Variants in TSEN15 observed in about 807,000 individuals in gnomAD.
TSEN15 encodes tRNA-splicing endonuclease subunit Sen15.
In TSEN15, 10 loss-of-function variants were observed where a neutral mutation model predicts 20.5. The ratio of observed to expected loss-of-function variants is 0.49; its 90% CI spans 0.30 to 0.83. The LOEUF (loss-of-function observed/expected upper bound fraction) is 0.83. Ranked by LOEUF, TSEN15 falls within the 40% of genes least tolerant of loss-of-function variation. The pLI, the probability that TSEN15 is intolerant of heterozygous loss-of-function variation, is 0.06. For synonymous variants in TSEN15, 72 were observed against 80.1 expected, an observed-to-expected ratio of 0.90 and a Z score of 0.54; for missense variants, 180 against 218.6, an observed-to-expected ratio of 0.82 and a Z score of 1.11.
At chr1:184,054,309 A>C in intron 1 of TSEN15, 45 bp from the exon 2 acceptor site, 1 of 1,222,446 alleles carries the variant, frequency 8.2e-7, no homozygotes, top group African/African-American at 1.5e-5. Flanking sequence ...GAAAATATTA[A>C]ATAATTTTTT....
At chr1:184,070,565 C>A in intron 3 of TSEN15, 1 of 863,814 alleles carries the variant, frequency 1.2e-6, no homozygotes. Flanking sequence ...AAAATTAATT[C>A]AAGATGGACA....
intron 3 of TSEN15, among the ~76,000 whole-genome samples, chr1:184,061,570 T>C (rs951563392): frequency 6.6e-6 from 1 of 152,210 alleles, no homozygotes; most frequent in South Asian, 2.1e-4. Context: ...AACTTAGTTA[T>C]AAAGTATTTC....
chr1:184,078,277 G>A (rs1353293267), downstream of TSEN15, among the ~76,000 whole-genome samples: 1 of 152,104 alleles, frequency 6.6e-6, no homozygotes, highest in Non-Finnish European at 1.5e-5. Flanking sequence ...AAATTAAGGT[G>A]TGTGCATTGT....
At chr1:184,069,828 A>G (rs1337134947) in intron 3 of TSEN15, among the ~76,000 whole-genome samples, 1 of 152,092 alleles carries the variant, frequency 6.6e-6, no homozygotes, top group Admixed American at 6.6e-5. Flanking sequence ...GAGATCCTGA[A>G]CAAGAAACTG....
intron 1 of TSEN15, among the ~76,000 whole-genome samples, 193 bp from the exon 2 acceptor site, chr1:184,054,160 CA>C (rs1650155903): frequency 6.6e-6 from 1 of 152,178 alleles, no homozygotes; most frequent in Non-Finnish European, 1.5e-5. Flanking sequence ...ATTTGCCTAA[CA>C]ATTTTAAGTG....
intron 3 of TSEN15, among the ~76,000 whole-genome samples, chr1:184,084,202 A>G (rs1487835385): frequency 6.6e-6 from 1 of 151,976 alleles, no homozygotes; most frequent in Non-Finnish European, 1.5e-5. Flanking sequence ...ACAATAATCT[A>G]TCAATGATCC....
intron 3 of TSEN15, among the ~76,000 whole-genome samples, chr1:184,055,666 TAAAAAAGAGAC>T (rs781607126): frequency 7.2e-5 from 11 of 152,202 alleles, no homozygotes; most frequent in Non-Finnish European, 1.3e-4. Context: ...TTAAAAGCTT[TAAAAAAGAGAC>T]TTTTTTTAGG....
intron 3 of TSEN15, among the ~76,000 whole-genome samples, chr1:184,082,242 A>T (rs758010320): frequency 4.6e-5 from 7 of 152,114 alleles, no homozygotes; most frequent in Non-Finnish European, 8.8e-5. Flanking sequence ...GTAGTGGCTG[A>T]ATTGGGCATC....
intron 3 of TSEN15, among the ~76,000 whole-genome samples, chr1:184,061,965 G>A (rs184982412): frequency 5.3e-5 from 8 of 152,290 alleles, no homozygotes; most frequent in South Asian, 2.1e-4. Flanking sequence ...TATATGATAT[G>A]TGATCACAGT....
chr1:184,072,133 A>C (rs200716378), intron 3 of TSEN15, 24 bp from the exon 4 acceptor site: 550 of 1,610,776 alleles, frequency 3.4e-4, no homozygotes, highest in Non-Finnish European at 4.3e-4. Flanking sequence ...GCAACTCCTA[A>C]GTATATTGTG....
intron 3 of TSEN15, among the ~76,000 whole-genome samples, chr1:184,055,466 G>T (rs1436315271): frequency 1.3e-5 from 2 of 152,036 alleles, no homozygotes; most frequent in Non-Finnish European, 2.9e-5. Context: ...CTTACTCTAT[G>T]GTCAGTACTT....
intron 3 of TSEN15, among the ~76,000 whole-genome samples, chr1:184,067,220 A>G (rs368050794): frequency 2.6e-4 from 39 of 152,322 alleles, no homozygotes; most frequent in African/African-American, 8.7e-4. Context: ...AATTACATCC[A>G]GAATCTGTCC....
At chr1:184,091,163 C>T (rs1651349461) in intron 3 of TSEN15, among the ~76,000 whole-genome samples, 1 of 152,034 alleles carries the variant, frequency 6.6e-6, no homozygotes, top group South Asian at 2.1e-4. Flanking sequence ...CCTTCCTACC[C>T]TCCAGTCTCA....
chr1:184,071,648 A>G (rs148416192), intron 3 of TSEN15, among the ~76,000 whole-genome samples: 1 of 152,108 alleles, frequency 6.6e-6, no homozygotes, highest in African/African-American at 2.4e-5. Flanking sequence ...AAAAAAAAAT[A>G]CATTAATTAA....
At chr1:184,060,306 AG>A (rs1232847758) in intron 3 of TSEN15, among the ~76,000 whole-genome samples, 2 of 152,246 alleles carry the variant, frequency 1.3e-5, no homozygotes, top group African/African-American at 4.8e-5. Context: ...CGACATGCAA[AG>A]GAAAATGTCT....
chr1:184,077,566 A>G (rs1651087604), downstream of TSEN15, among the ~76,000 whole-genome samples: 2 of 152,158 alleles, frequency 1.3e-5, no homozygotes, highest in Non-Finnish European at 2.9e-5. Flanking sequence ...TGCCATAGAT[A>G]GTTACTCCTG....
intron 3 of TSEN15, among the ~76,000 whole-genome samples, chr1:184,084,100 ATC>A (rs1244225410): frequency 1.3e-5 from 2 of 152,118 alleles, no homozygotes; most frequent in Non-Finnish European, 2.9e-5. Context: ...TCAGTTTCTC[ATC>A]TGTAAAATGA....
At chr1:184,069,576 A>T (rs1353354525) in intron 3 of TSEN15, among the ~76,000 whole-genome samples, 1 of 152,114 alleles carries the variant, frequency 6.6e-6, no homozygotes, top group Non-Finnish European at 1.5e-5. Flanking sequence ...TATTCTGGTG[A>T]TACTTAAATG....
chr1:184,071,568 GAA>G (rs1354464429), intron 3 of TSEN15, among the ~76,000 whole-genome samples: 3 of 151,794 alleles, frequency 2.0e-5, no homozygotes, highest in Non-Finnish European at 4.4e-5. Flanking sequence ...TAAGCTGAGA[GAA>G]ATTGTGATAA....
Sources: gnomAD v4.1 joint callset for allele counts (sites outside exome capture counted in the v4.1 genomes callset) on GRCh38, gnomAD v4.1.1 for gene constraint, MANE v1.5 for transcripts, NCBI Gene and HGNC (gene_info 2026-07-23, HGNC 2026-07-21) for gene names.